PRKCH: variants seen among roughly 807,000 people sequenced by gnomAD.
PRKCH encodes protein kinase C eta, also known as protein kinase C eta type.
Under a neutral mutation model 82.5 loss-of-function variants are expected in PRKCH, and 28 were observed. The observed-to-expected ratio is 0.34, with a 90% CI of 0.25 to 0.47. The LOEUF is 0.47. PRKCH is among the 20% of genes least tolerant of loss of function. PRKCH has a pLI of 1.00. For missense variants in PRKCH, 705 were observed against 881.8 expected, an observed-to-expected ratio of 0.80 and a Z score of 2.54; for synonymous variants, 322 against 327.4, an observed-to-expected ratio of 0.98 and a Z score of 0.18.
chr14:61,281,149 G>A (rs943656496), intron 1 of PRKCH: 59 of 1,340,466 alleles, frequency 4.4e-5, no homozygotes, highest in Non-Finnish European at 5.4e-5. Flanking sequence ...CCAGGTCATG[G>A]CGGCCGCGCG....
At chr14:61,373,990 T>C (rs144669800) in intron 1 of PRKCH, among the ~76,000 whole-genome samples, 4,024 of 152,204 alleles carry the variant, frequency 0.026, 203 homozygotes, top group African/African-American at 0.09. Context: ...CTTCCACCTA[T>C]GAGCCTGTAA....
intron 2 of PRKCH, among the ~76,000 whole-genome samples, chr14:61,414,877 G>A (rs574994834): frequency 3.3e-5 from 5 of 152,274 alleles, no homozygotes; most frequent in Non-Finnish European, 7.3e-5. Context: ...CCTCTGCCAA[G>A]CACCATACTA....
chr14:61,253,981 C>T (rs55722394), intron 1 of PRKCH, among the ~76,000 whole-genome samples: 44 of 59,190 alleles, frequency 7.4e-4, no homozygotes, highest in African/African-American at 4.0e-3. Context: ...CCTCCCTCCT[C>T]CCTCCCTCCC....
In PRKCH at chr14:61,365,258, G is replaced by T. The variant is rs548015855; in HGVS notation, c.364-25967G>T. On this transcript the variant is annotated intron_variant, in intron 1 of 13. Coordinates refer to ENST00000332981, the MANE Select transcript of PRKCH (RefSeq NM_006255.5). Reference sequence around the variant, plus strand: ...GGGGCAGGTATAGGATAGTGTATCTGAAGATGCTGTTGGGATTCTATTGTC... The same window carrying T: ...GGGGCAGGTATAGGATAGTGTATCTTAAGATGCTGTTGGGATTCTATTGTC... Among the ~76,000 whole-genome samples, 8 of 152,246 alleles carry T rather than the reference G, an allele frequency of 5.3e-5. No individual in the cohort carries two copies. In the South Asian group the frequency reaches 1.0e-3, roughly 20 times the overall value.
At chr14:61,330,955 C>CAAA (rs33981035) in intron 1 of PRKCH, among the ~76,000 whole-genome samples, 61 of 151,660 alleles carry the variant, frequency 4.0e-4, no homozygotes, top group Non-Finnish European at 7.4e-4. Context: ...CTGATGAGCT[C>CAAA]AAAAAAAATC....
At chr14:61,239,455 A>T (rs972497708) in intron 1 of PRKCH, among the ~76,000 whole-genome samples, 37 of 152,280 alleles carry the variant, frequency 2.4e-4, no homozygotes, top group African/African-American at 8.7e-4. Flanking sequence ...TGTAAACAGG[A>T]AGTGTCTCAA....
At chr14:61,282,677 T>C (rs2045282192) in intron 1 of PRKCH, among the ~76,000 whole-genome samples, 4 of 152,160 alleles carry the variant, frequency 2.6e-5, no homozygotes. Flanking sequence ...TAATCAAGTA[T>C]CAAATTGCAT....
At chr14:61,371,134 G>A (rs1435640707) in intron 1 of PRKCH, among the ~76,000 whole-genome samples, 2 of 152,012 alleles carry the variant, frequency 1.3e-5, no homozygotes, top group Admixed American at 6.5e-5. Context: ...CTCAGTGAAG[G>A]CAGTTTTTAT....
chr14:61,400,365 A>T (rs531625668), intron 2 of PRKCH, among the ~76,000 whole-genome samples: 36 of 152,310 alleles, frequency 2.4e-4, no homozygotes, highest in African/African-American at 6.0e-4. Flanking sequence ...TAATTTTTTT[A>T]AAATGTAGCT....
chr14:61,360,067 T>C (rs1329642349), intron 1 of PRKCH, among the ~76,000 whole-genome samples: 1 of 152,262 alleles, frequency 6.6e-6, no homozygotes, highest in Non-Finnish European at 1.5e-5. Context: ...CATTAGAGCA[T>C]GCCTGTATCT....
intron 9 of PRKCH, among the ~76,000 whole-genome samples, chr14:61,469,451 C>A (rs1312213641): frequency 6.6e-6 from 1 of 152,180 alleles, no homozygotes; most frequent in Non-Finnish European, 1.5e-5. Context: ...CTAAAGCCAA[C>A]TGATTGCTTT....
intron 1 of PRKCH, among the ~76,000 whole-genome samples, chr14:61,384,438 C>T (rs964377633): frequency 1.3e-5 from 2 of 150,824 alleles, no homozygotes; most frequent in Admixed American, 1.3e-4. Context: ...CCTGTGGGGT[C>T]TGGGAATCTT....
intron 1 of PRKCH, among the ~76,000 whole-genome samples, chr14:61,271,008 G>T (rs2045147623): frequency 6.6e-6 from 1 of 152,146 alleles, no homozygotes; most frequent in Admixed American, 6.5e-5. Context: ...AAGGTGTCAT[G>T]AAAGTTTAAG....
intron 1 of PRKCH, among the ~76,000 whole-genome samples, chr14:61,248,982 G>A (rs1300338073): frequency 6.6e-6 from 1 of 151,868 alleles, no homozygotes; most frequent in Non-Finnish European, 1.5e-5. Flanking sequence ...TTGTATATTC[G>A]GTAGCGACGG....
chr14:61,453,150 A>G, intron 6 of PRKCH, 76 bp from the exon 7 acceptor site: 3 of 1,563,658 alleles, frequency 1.9e-6, no homozygotes, highest in South Asian at 2.2e-5. Context: ...CTTTTAGGCT[A>G]TTAAAGTTCT....
chr14:61,287,959 T>A (rs533479426), intron 1 of PRKCH, among the ~76,000 whole-genome samples: 2 of 152,350 alleles, frequency 1.3e-5, no homozygotes, highest in South Asian at 4.1e-4. Context: ...TGACTATATC[T>A]GTTTGAAACT....
intron 1 of PRKCH, among the ~76,000 whole-genome samples, chr14:61,247,834 C>T (rs1486047047): frequency 6.6e-6 from 1 of 151,482 alleles, no homozygotes; most frequent in Admixed American, 6.6e-5. Context: ...AAACACCCTG[C>T]AGTAGACGAG....
intron 10 of PRKCH, among the ~76,000 whole-genome samples, chr14:61,505,300 C>T (rs1413754754): frequency 6.7e-6 from 1 of 149,308 alleles, no homozygotes; most frequent in Non-Finnish European, 1.5e-5. Flanking sequence ...GGGCCTGTTT[C>T]TTGGTTCACG....
chr14:61,395,349 C>T (rs2046762685), intron 2 of PRKCH, among the ~76,000 whole-genome samples: 1 of 139,904 alleles, frequency 7.1e-6, no homozygotes, highest in Admixed American at 7.5e-5. Context: ...GCACTGAGAG[C>T]ATGTCCCTAG....
Sources: allele counts gnomAD v4.1 joint callset (sites outside exome capture counted in the v4.1 genomes callset), GRCh38; gene constraint gnomAD v4.1.1; transcripts MANE v1.5; gene names NCBI Gene and HGNC (gene_info 2026-07-23, HGNC 2026-07-21).